AK5: variants seen among roughly 807,000 people sequenced by gnomAD.
AK5 encodes adenylate kinase 5.
Under a neutral mutation model 69.5 loss-of-function variants are expected in AK5, and 27 were observed. The observed-to-expected ratio is 0.39, with a 90% CI of 0.29 to 0.54. The LOEUF is 0.54. Ranked by LOEUF, AK5 falls within the 20% of genes least tolerant of loss-of-function variation. The pLI is 0.71. For synonymous variants in AK5, 260 were observed against 244.4 expected (o/e 1.06, Z -0.60); for missense variants, 531 against 700.4 (o/e 0.76, Z 2.73).
chr1:77,338,861 A>G (rs1469923639), intron 5 of AK5, among the ~76,000 whole-genome samples: 1 of 152,228 alleles, frequency 6.6e-6, no homozygotes, highest in Non-Finnish European at 1.5e-5. Context: ...AATCTTCATA[A>G]TAACTCAAGG....
intron 6 of AK5, among the ~76,000 whole-genome samples, chr1:77,402,239 C>T (rs1649264114): frequency 6.6e-6 from 1 of 152,120 alleles, no homozygotes; most frequent in Admixed American, 6.5e-5. Flanking sequence ...TCCTGCTACC[C>T]TTTGTATTTT....
At chr1:77,537,199 TGAG>T (rs1284795349) in intron 13 of AK5, among the ~76,000 whole-genome samples, 1 of 152,018 alleles carries the variant, frequency 6.6e-6, no homozygotes, top group African/African-American at 2.4e-5. Context: ...GAAGGTGGCC[TGAG>T]GAGGACTCGG....
chr1:77,326,069 G>A (rs755903794), intron 5 of AK5, among the ~76,000 whole-genome samples: 31 of 152,110 alleles, frequency 2.0e-4, no homozygotes, highest in Non-Finnish European at 3.2e-4. Flanking sequence ...ATCAAATTAT[G>A]GCTGGACTTT....
At chr1:77,546,023 C>A (rs769204234) in intron 13 of AK5, among the ~76,000 whole-genome samples, 5 of 152,172 alleles carry the variant, frequency 3.3e-5, no homozygotes, top group Non-Finnish European at 5.9e-5. Context: ...CACCCCCTTT[C>A]CTTCCTGATT....
At chr1:77,302,806 G>A (rs1659415225) in intron 5 of AK5, among the ~76,000 whole-genome samples, 1 of 152,198 alleles carries the variant, frequency 6.6e-6, no homozygotes, top group African/African-American at 2.4e-5. Flanking sequence ...GCAAAGAGCA[G>A]TCAGTGTACA....
At chr1:77,485,146 T>G (rs1655508914) in intron 9 of AK5, among the ~76,000 whole-genome samples, 1 of 152,250 alleles carries the variant, frequency 6.6e-6, no homozygotes, top group Non-Finnish European at 1.5e-5. Flanking sequence ...CCAAACAATG[T>G]AAGGTGTTTC....
intron 12 of AK5, among the ~76,000 whole-genome samples, chr1:77,529,246 G>A (rs1405419084): frequency 2.0e-5 from 3 of 151,800 alleles, no homozygotes; most frequent in Admixed American, 1.3e-4. Flanking sequence ...CTTACAATGC[G>A]CCAGAAACTG....
At chr1:77,504,022 C>T (rs1165028440) in intron 10 of AK5, among the ~76,000 whole-genome samples, 2 of 152,168 alleles carry the variant, frequency 1.3e-5, no homozygotes, top group Non-Finnish European at 2.9e-5. Context: ...GACATATACA[C>T]TTTTCTTGTG....
chr1:77,284,545 G>A (rs984817827), intron 1 of AK5, among the ~76,000 whole-genome samples: 1 of 152,160 alleles, frequency 6.6e-6, no homozygotes, highest in Non-Finnish European at 1.5e-5. Context: ...TCTCTGGTAC[G>A]TTCATGTTTG....
At chr1:77,343,416 T>C (rs1661758198) in intron 6 of AK5, among the ~76,000 whole-genome samples, 1 of 152,210 alleles carries the variant, frequency 6.6e-6, no homozygotes, top group South Asian at 2.1e-4. Flanking sequence ...CTACAAGGTA[T>C]AGCCTCTAGG....
At chr1:77,487,179 G>C (rs1398513079) in intron 10 of AK5, among the ~76,000 whole-genome samples, 2 of 152,128 alleles carry the variant, frequency 1.3e-5, no homozygotes, top group Non-Finnish European at 2.9e-5. Flanking sequence ...CTATGCTCCA[G>C]GTTATCTCAA....
At chr1:77,305,316 C>T (rs1239368327) in intron 5 of AK5, among the ~76,000 whole-genome samples, 2 of 151,994 alleles carry the variant, frequency 1.3e-5, no homozygotes, top group Non-Finnish European at 2.9e-5. Flanking sequence ...GTATCCTTTG[C>T]TGTGCAAAAG....
intron 8 of AK5, among the ~76,000 whole-genome samples, chr1:77,461,644 A>G (rs1243388539): frequency 1.3e-5 from 2 of 151,572 alleles, no homozygotes; most frequent in African/African-American, 4.8e-5. Flanking sequence ...GTGGTGCGCA[A>G]CTGTAATCCC....
At chr1:77,301,562 T>C (rs1307854764) in intron 5 of AK5, among the ~76,000 whole-genome samples, 1 of 152,188 alleles carries the variant, frequency 6.6e-6, no homozygotes, top group African/African-American at 2.4e-5. Context: ...TTCCCACACA[T>C]ACAATGTACT....
At chr1:77,408,198 G>A (rs918430165) in intron 6 of AK5, among the ~76,000 whole-genome samples, 5 of 152,126 alleles carry the variant, frequency 3.3e-5, no homozygotes, top group Non-Finnish European at 5.9e-5. Flanking sequence ...TAAGTTCTTT[G>A]AGAAATCTCC....
At chr1:77,536,415 C>T (rs1658973917) in intron 13 of AK5, among the ~76,000 whole-genome samples, 1 of 152,176 alleles carries the variant, frequency 6.6e-6, no homozygotes, top group African/African-American at 2.4e-5. Context: ...GATTGTGCCA[C>T]TACACTCCAG....
intron 8 of AK5, 112 bp from the exon 9 acceptor site, chr1:77,483,205 G>T (rs191739928): frequency 1.1e-5 from 8 of 745,092 alleles, no homozygotes; most frequent in Non-Finnish European, 1.9e-5. Context: ...AAAATTGTTT[G>T]GAGGTGCCTC....
chr1:77,305,925 G>A (rs1022888207), intron 5 of AK5, among the ~76,000 whole-genome samples: 1 of 149,256 alleles, frequency 6.7e-6, no homozygotes, highest in Non-Finnish European at 1.5e-5. Flanking sequence ...TCTATAGATT[G>A]CTTGGGTAGT....
In AK5 at chr1:77,358,018, T is replaced by TGTGTGTGTGTGAGAGA. The variant is rs762714026; in HGVS notation, c.891+17451_891+17452insTGTGTGTGTGAGAGAG. ...GTGTGTGTGTGTGTGTGTGTGTGTGTGAGAGAGAGAGAGAGAGAGAGACAG... is the reference window on the plus strand; with the variant it reads ...GTGTGTGTGTGTGTGTGTGTGTGTGTGTGTGTGTGTGAGAGAGAGAGAGAGAGAGAGAGAGAGACAG... On this transcript the variant is annotated intron_variant, in intron 6 of 13. Transcript: ENST00000354567. Among the ~76,000 whole-genome samples, 396 of 128,264 alleles carry TGTGTGTGTGTGAGAGA rather than the reference T, an allele frequency of 3.1e-3. 4 individuals are homozygous for TGTGTGTGTGTGAGAGA. The highest frequency in any genetic ancestry group is 0.027 in the East Asian group (107 of 4,018). The allele number at this position is 128,264 out of a possible 152,430, so 84.1% of individuals were successfully genotyped here. A position where few individuals can be genotyped will look rare whatever the true frequency, so the allele number is the denominator to read the frequency against.
Sources: allele counts gnomAD v4.1 joint callset (sites outside exome capture counted in the v4.1 genomes callset), GRCh38; gene constraint gnomAD v4.1.1; transcripts MANE v1.5; gene names NCBI Gene and HGNC (gene_info 2026-07-23, HGNC 2026-07-21).